The following ZMYM2 variants were observed in gnomAD, a reference collection of about 807,000 sequenced individuals.
ZMYM2 encodes the protein zinc finger MYM-type protein 2.
Under a neutral mutation model 162.8 loss-of-function variants are expected in ZMYM2, and 56 were observed. The observed-to-expected ratio is 0.34, with a 90% CI of 0.28 to 0.43. The LOEUF is 0.43. ZMYM2 is among the 20% of genes least tolerant of loss of function. The pLI, the probability that ZMYM2 is intolerant of heterozygous loss-of-function variation, is 1.00. For missense variants in ZMYM2, 1,275 were observed against 1,621.8 expected, an observed-to-expected ratio of 0.79 and a Z score of 3.67; for synonymous variants, 510 against 541.6, an observed-to-expected ratio of 0.94 and a Z score of 0.81.
chr13:19,931,184 A>G, the ZMYM2 span, among the ~76,000 whole-genome samples: 1 of 150,986 alleles, frequency 6.6e-6, no homozygotes, highest in Non-Finnish European at 1.5e-5. Context: ...AAACAAGGAC[A>G]TTTTAGTTTG....
the ZMYM2 span, among the ~76,000 whole-genome samples, chr13:19,877,236 GT>G: frequency 6.7e-6 from 1 of 149,014 alleles, no homozygotes; most frequent in African/African-American, 2.5e-5. Flanking sequence ...AAACAAAGAA[GT>G]TTATTTAGCT....
chr13:19,930,559 A>G, the ZMYM2 span, among the ~76,000 whole-genome samples: 2 of 150,358 alleles, frequency 1.3e-5, no homozygotes, highest in Non-Finnish European at 3.0e-5. Flanking sequence ...TTGTTTTGAG[A>G]TGGAGTCTCA....
intron 2 of ZMYM2, among the ~76,000 whole-genome samples, chr13:19,985,147 G>A (rs552981237): frequency 2.0e-5 from 3 of 152,152 alleles, no homozygotes; most frequent in East Asian, 1.9e-4. Context: ...TTGTTGAGAC[G>A]GGGTTTCACT....
chr13:20,018,310 C>T (rs1162483990), intron 6 of ZMYM2, among the ~76,000 whole-genome samples: 1 of 152,122 alleles, frequency 6.6e-6, no homozygotes, highest in East Asian at 1.9e-4. Context: ...TAATTACATA[C>T]TATATGTTCA....
chr13:19,981,309 AAAAAC>A (rs386768588), intron 2 of ZMYM2, among the ~76,000 whole-genome samples: 22 of 144,690 alleles, frequency 1.5e-4, no homozygotes, highest in Middle Eastern at 7.0e-3. Flanking sequence ...AAACAAAAAA[AAAAAC>A]AAAAAACAAA....
the ZMYM2 span, among the ~76,000 whole-genome samples, chr13:19,909,625 G>T: frequency 2.0e-5 from 3 of 151,722 alleles, no homozygotes; most frequent in Non-Finnish European, 2.9e-5. Context: ...TAGAGACAAG[G>T]TTTCACCACT....
chr13:20,070,074 T>G (rs912747127), intron 21 of ZMYM2, among the ~76,000 whole-genome samples: 12 of 152,260 alleles, frequency 7.9e-5, no homozygotes, highest in Admixed American at 2.6e-4. Flanking sequence ...CTTACTTAAC[T>G]TTTTGTTTGA....
intron 12 of ZMYM2, among the ~76,000 whole-genome samples, chr13:20,045,919 C>G (rs536763312): frequency 7.9e-5 from 12 of 151,840 alleles, no homozygotes; most frequent in African/African-American, 2.7e-4. Context: ...TGGCTTCTTT[C>G]TTTGAATGAA....
At chr13:19,917,865 C>T in the ZMYM2 span, among the ~76,000 whole-genome samples, 1 of 152,068 alleles carries the variant, frequency 6.6e-6, no homozygotes, top group African/African-American at 2.4e-5. Flanking sequence ...TTGAGACCAG[C>T]CTGGCCAATA....
chr13:19,930,684 C>T, the ZMYM2 span, among the ~76,000 whole-genome samples: 1 of 151,034 alleles, frequency 6.6e-6, no homozygotes, highest in South Asian at 2.1e-4. Flanking sequence ...GGATTACAGA[C>T]GACCGCCACC....
At chr13:20,039,218 C>T (rs569572679) in intron 12 of ZMYM2, among the ~76,000 whole-genome samples, 1 of 152,280 alleles carries the variant, frequency 6.6e-6, no homozygotes, top group East Asian at 1.9e-4. Context: ...CATTTGTGAA[C>T]AGGGAAAGTT....
intron 2 of ZMYM2, among the ~76,000 whole-genome samples, chr13:19,976,607 TTC>T (rs1310301060): frequency 6.6e-6 from 1 of 152,168 alleles, no homozygotes; most frequent in Non-Finnish European, 1.5e-5. Context: ...CCATTTTACT[TTC>T]TGTTTATGAA....
chr13:20,041,579 A>G (rs1024895087), intron 12 of ZMYM2, among the ~76,000 whole-genome samples: 3 of 152,084 alleles, frequency 2.0e-5, no homozygotes. Flanking sequence ...TGTGGGTTTG[A>G]TCCTGTCATC....
chr13:20,005,464 T>C (rs893026077), intron 5 of ZMYM2, among the ~76,000 whole-genome samples: 4 of 152,136 alleles, frequency 2.6e-5, no homozygotes, highest in East Asian at 3.9e-4. Flanking sequence ...GGAAAAATCA[T>C]TGTGTTAATT....
At chr13:20,072,806 G>A (rs1957189072) in intron 21 of ZMYM2, among the ~76,000 whole-genome samples, 1 of 151,952 alleles carries the variant, frequency 6.6e-6, no homozygotes, top group Non-Finnish European at 1.5e-5. Flanking sequence ...AAGAAATGAT[G>A]CATTTCATCA....
chr13:19,973,399 G>C (rs1956497279), intron 2 of ZMYM2, among the ~76,000 whole-genome samples: 1 of 151,944 alleles, frequency 6.6e-6, no homozygotes, highest in Non-Finnish European at 1.5e-5. Flanking sequence ...GGCCGGGCGT[G>C]GTGGTTTCTG....
chr13:20,017,479 G>A (rs773377180), intron 6 of ZMYM2, among the ~76,000 whole-genome samples: 2 of 152,054 alleles, frequency 1.3e-5, no homozygotes, highest in African/African-American at 2.4e-5. Context: ...CCTTCCTAGT[G>A]TTTGCTAACC....
the ZMYM2 span, among the ~76,000 whole-genome samples, chr13:19,901,314 A>G: frequency 6.6e-6 from 1 of 152,316 alleles, no homozygotes. Context: ...TAACTCAAAG[A>G]GATATTAGTG....
chr13:19,915,356 A>G, the ZMYM2 span, among the ~76,000 whole-genome samples: 10 of 152,118 alleles, frequency 6.6e-5, no homozygotes, highest in South Asian at 1.5e-3. Flanking sequence ...CAGCCTCCCA[A>G]AGTGCTAGAA....
Sources: gnomAD v4.1 joint callset for allele counts (sites outside exome capture counted in the v4.1 genomes callset) on GRCh38, gnomAD v4.1.1 for gene constraint, MANE v1.5 for transcripts, NCBI Gene and HGNC (gene_info 2026-07-23, HGNC 2026-07-21) for gene names.